Variants in KIF26B observed in about 807,000 individuals in gnomAD.
The protein encoded by KIF26B is kinesin-like protein KIF26B.
A neutral mutation model predicts 151.2 loss-of-function variants in KIF26B; 63 were observed. The observed-to-expected ratio is 0.42, with a 90% confidence interval of 0.34 to 0.51. The LOEUF is 0.51. KIF26B is among the 20% of genes least tolerant of loss of function. The pLI is 0.07. For missense variants in KIF26B, 2,813 were observed against 2,913.6 expected (o/e 0.97, Z 0.79); for synonymous variants, 1,357 against 1,262.1 (o/e 1.08, Z -1.59).
chr1:245,701,597 C>T (rs926819971), intron 14 of KIF26B, among the ~76,000 whole-genome samples: 8 of 152,172 alleles, frequency 5.3e-5, no homozygotes, highest in Non-Finnish European at 8.8e-5. Flanking sequence ...TTCCATAGCA[C>T]GGCATCGTTT....
intron 3 of KIF26B, among the ~76,000 whole-genome samples, chr1:245,415,722 T>C (rs1240956419): frequency 6.6e-6 from 1 of 152,072 alleles, no homozygotes; most frequent in Non-Finnish European, 1.5e-5. Flanking sequence ...GCAGACTGTC[T>C]TTGCACAAGA....
chr1:245,168,466 A>G (rs1668651505), intron 2 of KIF26B, among the ~76,000 whole-genome samples: 1 of 152,222 alleles, frequency 6.6e-6, no homozygotes. Context: ...CAAAAGGACA[A>G]TTGATTCTAG....
At chr1:245,552,247 C>T (rs796907154) in intron 5 of KIF26B, among the ~76,000 whole-genome samples, 4 of 151,030 alleles carry the variant, frequency 2.6e-5, no homozygotes, top group African/African-American at 4.9e-5. Flanking sequence ...AGGCTGGAGA[C>T]GCAGGGAAGA....
intron 2 of KIF26B, among the ~76,000 whole-genome samples, chr1:245,196,650 G>C (rs1173398310): frequency 1.3e-5 from 2 of 152,082 alleles, no homozygotes; most frequent in Admixed American, 6.6e-5. Flanking sequence ...GACAGGTGTG[G>C]CTTAACGGAC....
At chr1:245,520,128 A>AGAGAGC (rs1382125959) in intron 4 of KIF26B, among the ~76,000 whole-genome samples, 1,680 of 151,842 alleles carry the variant, frequency 0.011, 33 homozygotes, top group African/African-American at 0.039. Context: ...AGAGAGAGAG[A>AGAGAGC]GAGAGAGAGA....
intron 2 of KIF26B, among the ~76,000 whole-genome samples, chr1:245,201,417 C>T (rs576487638): frequency 6.6e-6 from 1 of 152,204 alleles, no homozygotes; most frequent in East Asian, 1.9e-4. Flanking sequence ...CTTGTGACTG[C>T]GTTCTGAATG....
At chr1:245,287,170 A>G (rs1029054982) in intron 2 of KIF26B, among the ~76,000 whole-genome samples, 2 of 152,202 alleles carry the variant, frequency 1.3e-5, no homozygotes, top group African/African-American at 2.4e-5. Flanking sequence ...TTTATCACAT[A>G]TAACAGGAAA....
chr1:245,603,546 A>C (rs1016296049), intron 6 of KIF26B, among the ~76,000 whole-genome samples: 1 of 152,242 alleles, frequency 6.6e-6, no homozygotes, highest in Admixed American at 6.5e-5. Flanking sequence ...ATCATCCTAT[A>C]TCACACCATA....
At chr1:245,489,452 C>T (rs931380022) in intron 4 of KIF26B, among the ~76,000 whole-genome samples, 1 of 152,170 alleles carries the variant, frequency 6.6e-6, no homozygotes. Flanking sequence ...GTCTAAGAGG[C>T]GTCAGCCACA....
At chr1:245,305,154 G>T (rs943463465) in intron 2 of KIF26B, among the ~76,000 whole-genome samples, 1 of 152,194 alleles carries the variant, frequency 6.6e-6, no homozygotes, top group African/African-American at 2.4e-5. Flanking sequence ...CAAAATTGTT[G>T]TCATGTGAAG....
intron 11 of KIF26B, among the ~76,000 whole-genome samples, chr1:245,685,170 C>T (rs2044493370): frequency 6.6e-6 from 1 of 152,276 alleles, no homozygotes; most frequent in Non-Finnish European, 1.5e-5. Flanking sequence ...ACCCCCTTTC[C>T]TGAGCAGCTG....
At chr1:245,643,954 G>C (rs2043919195) in intron 9 of KIF26B, among the ~76,000 whole-genome samples, 1 of 152,036 alleles carries the variant, frequency 6.6e-6, no homozygotes, top group Non-Finnish European at 1.5e-5. Context: ...GGGCGGTTTG[G>C]TTATGATGTG....
chr1:245,601,818 C>G lies in KIF26B; in HGVS notation c.1351-759C>G, dbSNP rs946734597. 6.6e-6 allele frequency among the ~76,000 whole-genome samples: 1 copy of G among 152,208 alleles called. No individual in the cohort carries two copies. The highest frequency in any genetic ancestry group is 1.5e-5 in the Non-Finnish European group (1 of 68,040). ...TTCTGTTCACCTTAGAACCCCAAGGCTGACTGTGCATTTCCATAAGCACCT... is the reference window on the plus strand; with the variant it reads ...TTCTGTTCACCTTAGAACCCCAAGGGTGACTGTGCATTTCCATAAGCACCT... On this transcript the variant is annotated intron_variant, in intron 5 of 14. Coordinates refer to ENST00000407071, the MANE Select transcript of KIF26B (RefSeq NM_018012.4). The surrounding 1 kb of genome is among the most constrained non-coding windows in gnomAD (Gnocchi z 4.4).
intron 3 of KIF26B, among the ~76,000 whole-genome samples, chr1:245,379,269 TTAATAAAA>T (rs1405664643): frequency 6.6e-6 from 1 of 152,252 alleles, no homozygotes; most frequent in East Asian, 1.9e-4. Context: ...CATTAGTGAA[TTAATAAAA>T]TACTGAAAGG....
At chr1:245,489,116 C>G (rs979742454) in intron 4 of KIF26B, among the ~76,000 whole-genome samples, 6 of 152,200 alleles carry the variant, frequency 3.9e-5, no homozygotes, top group Non-Finnish European at 5.9e-5. Flanking sequence ...GCAGCTGAAC[C>G]TCTTCACTGA....
At chr1:245,356,889 A>G (rs28694065) in intron 2 of KIF26B, among the ~76,000 whole-genome samples, 1 of 152,332 alleles carries the variant, frequency 6.6e-6, no homozygotes, top group Admixed American at 6.5e-5. Context: ...TAGATGATCC[A>G]GGAAGGCCTC....
intron 2 of KIF26B, among the ~76,000 whole-genome samples, chr1:245,327,576 T>C (rs543764569): frequency 2.0e-5 from 3 of 152,334 alleles, no homozygotes; most frequent in African/African-American, 7.2e-5. Flanking sequence ...CCCCTGATAC[T>C]GTGTGCTGAG....
chr1:245,168,707 CT>C (rs995122505), intron 2 of KIF26B, among the ~76,000 whole-genome samples: 1 of 152,060 alleles, frequency 6.6e-6, no homozygotes, highest in African/African-American at 2.4e-5. Flanking sequence ...TGATTTCTCT[CT>C]TTTTTTCTGC....
chr1:245,494,447 T>G (rs890208574), intron 4 of KIF26B, among the ~76,000 whole-genome samples: 40 of 152,110 alleles, frequency 2.6e-4, no homozygotes, highest in African/African-American at 8.2e-4. Flanking sequence ...ATACAAAATC[T>G]CAGTGAGCTC....
Sources: gnomAD v4.1 joint callset for allele counts (sites outside exome capture counted in the v4.1 genomes callset) on GRCh38, gnomAD v4.1.1 for gene constraint, Gnocchi (gnomAD v3.1) non-coding constraint, MANE v1.5 for transcripts, NCBI Gene and HGNC (gene_info 2026-07-23, HGNC 2026-07-21) for gene names.